ATG4C: variants seen among roughly 807,000 people sequenced by gnomAD.
The protein encoded by ATG4C is autophagy related 4C cysteine peptidase, also known as cysteine protease ATG4C.
A neutral mutation model predicts 57.6 loss-of-function variants in ATG4C; 56 were observed. That is an observed-to-expected ratio of 0.97 (90% CI 0.78 to 1.21). The LOEUF (loss-of-function observed/expected upper bound fraction) is 1.21. ATG4C is among the 50% of genes most tolerant of loss of function. The probability of loss-of-function intolerance (pLI) is 0.00; values close to 1 mark genes in which losing one functional copy is unlikely to be tolerated. For synonymous variants in ATG4C, 157 were observed against 174.1 expected, an observed-to-expected ratio of 0.90 and a Z score of 0.78; for missense variants, 595 against 529.8, an observed-to-expected ratio of 1.12 and a Z score of -1.21.
At chr1:62,863,305 A>G (rs1666909743) in intron 10 of ATG4C, among the ~76,000 whole-genome samples, 1 of 152,024 alleles carries the variant, frequency 6.6e-6, no homozygotes, top group Non-Finnish European at 1.5e-5. Flanking sequence ...TATTGTAGAA[A>G]TAGTTTATTT....
At chr1:62,824,589 T>C (rs1665585471) in intron 6 of ATG4C, among the ~76,000 whole-genome samples, 1 of 152,118 alleles carries the variant, frequency 6.6e-6, no homozygotes, top group Admixed American at 6.5e-5. Context: ...CAGATCCTCC[T>C]ATTTTCTCTT....
intron 6 of ATG4C, among the ~76,000 whole-genome samples, chr1:62,821,883 A>G (rs1665494283): frequency 2.0e-5 from 3 of 152,094 alleles, no homozygotes; most frequent in Admixed American, 2.0e-4. Context: ...ATTTTTAATA[A>G]TTTTATGCAT....
intron 1 of ATG4C, among the ~76,000 whole-genome samples, chr1:62,796,896 TC>T (rs1193708979): frequency 6.6e-6 from 1 of 152,112 alleles, no homozygotes; most frequent in East Asian, 1.9e-4. Context: ...TCACCTGAGG[TC>T]AGGAGTTTGA....
intron 10 of ATG4C, among the ~76,000 whole-genome samples, chr1:62,855,403 A>G (rs958163389): frequency 3.9e-5 from 6 of 152,088 alleles, no homozygotes; most frequent in Admixed American, 2.0e-4. Flanking sequence ...TTAAATAATC[A>G]TTTGGTAATT....
At chr1:62,791,486 T>G (rs551731513) in intron 1 of ATG4C, among the ~76,000 whole-genome samples, 4 of 152,178 alleles carry the variant, frequency 2.6e-5, no homozygotes, top group African/African-American at 7.2e-5. Flanking sequence ...TTATTCCTTA[T>G]AGTTAACAAA....
chr1:62,806,281 A>G (rs968526257), intron 3 of ATG4C, among the ~76,000 whole-genome samples: 1 of 152,124 alleles, frequency 6.6e-6, no homozygotes, highest in Non-Finnish European at 1.5e-5. Flanking sequence ...AGAGGTGTCC[A>G]GTTTAGCTAT....
intron 1 of ATG4C, among the ~76,000 whole-genome samples, chr1:62,793,860 T>C (rs977822638): frequency 2.6e-5 from 4 of 152,000 alleles, no homozygotes; most frequent in African/African-American, 9.7e-5. Context: ...TAACTTACGG[T>C]GTTACCTCTT....
At position 62,794,198 on chromosome 1, in the gene ATG4C, TTGCACAGTCTG is replaced by T. The variant is rs553498114; in HGVS notation, c.-68-9518_-68-9508del. 3.0e-3 allele frequency among the ~76,000 whole-genome samples: 456 copies of T among 152,300 alleles called. 1 individual carries two copies. Among genetic ancestry groups the T allele is most frequent in the Non-Finnish European group, 4.9e-3 (335 of 68,024 alleles). On this transcript the variant is annotated intron_variant, in intron 1 of 10. Transcript: ENST00000317868. ...ATTTAGGTTGGTTATGATGATTACTTTGCACAGTCTGTGAACATGTAATATGCAGTGCTGCA... is the reference window on the plus strand; with the variant it reads ...ATTTAGGTTGGTTATGATGATTACTTTGAACATGTAATATGCAGTGCTGCA...
intron 3 of ATG4C, among the ~76,000 whole-genome samples, chr1:62,812,373 C>G (rs1014307524): frequency 1.3e-5 from 2 of 152,200 alleles, no homozygotes. Flanking sequence ...ACAAAAACCA[C>G]ATGATTATCT....
At chr1:62,848,423 T>C (rs1666393632) in intron 10 of ATG4C, among the ~76,000 whole-genome samples, 1 of 152,174 alleles carries the variant, frequency 6.6e-6, no homozygotes, top group African/African-American at 2.4e-5. Flanking sequence ...CCTTTTGGGA[T>C]CATTTTGGTT....
At chr1:62,858,155 CATT>C (rs1337585375) in intron 10 of ATG4C, among the ~76,000 whole-genome samples, 4 of 152,204 alleles carry the variant, frequency 2.6e-5, no homozygotes, top group East Asian at 1.9e-4. Flanking sequence ...TATTATTTGA[CATT>C]GTTGTTATTG....
chr1:62,826,235 C>A (rs1572137757), intron 6 of ATG4C, among the ~76,000 whole-genome samples: 2 of 36,302 alleles, frequency 5.5e-5, no homozygotes, highest in African/African-American at 2.3e-4. Flanking sequence ...CGTGACCATT[C>A]CCTATTTTTT....
chr1:62,853,174 T>G (rs779479339), intron 10 of ATG4C, among the ~76,000 whole-genome samples: 6 of 152,174 alleles, frequency 3.9e-5, no homozygotes, highest in Non-Finnish European at 5.9e-5. Flanking sequence ...CCTTCTAGCA[T>G]TTAGTGTTGT....
At chr1:62,797,540 T>C (rs1462676289) in intron 1 of ATG4C, among the ~76,000 whole-genome samples, 1 of 152,188 alleles carries the variant, frequency 6.6e-6, no homozygotes, top group Non-Finnish European at 1.5e-5. Context: ...TTCTTAGGTC[T>C]AGTAAGGTTG....
intron 5 of ATG4C, among the ~76,000 whole-genome samples, chr1:62,820,520 C>T (rs1665447668): frequency 6.6e-6 from 1 of 152,062 alleles, no homozygotes; most frequent in South Asian, 2.1e-4. Flanking sequence ...AATTACATTT[C>T]CACAATTTGC....
Position 62,819,074 on chromosome 1 carries a change from A to G in ATG4C, c.464A>G (p.Lys155Arg), listed in dbSNP as rs764331544. 34 of 1,608,924 alleles carry G rather than the reference A, an allele frequency of 2.1e-5. No homozygotes were observed. The South Asian group carries it at 3.8e-4, about 18-fold the overall frequency. Residue 155 changes from lysine to arginine, a missense_variant, in exon 5 of 11, where the codon AAA becomes AGA. Transcript: ENST00000317868. Reference sequence around the variant, plus strand: ...GAATCATGGACTTCCCACACTGTCAAAAAATTTACTGCATCATTTGAAGCA... The same window carrying G: ...GAATCATGGACTTCCCACACTGTCAGAAAATTTACTGCATCATTTGAAGCA... ...DSESWTSHTV[K>R]KFTASFEASL... is the part of the protein sequence containing the mutation.
intron 1 of ATG4C, among the ~76,000 whole-genome samples, chr1:62,786,908 A>C (rs2100271314): frequency 6.6e-6 from 1 of 152,280 alleles, no homozygotes; most frequent in South Asian, 2.1e-4. Context: ...GGAGTGGCCC[A>C]ATTGAGAGAT....
rs1553225713 is a variant in ATG4C at position 62,819,044 on chromosome 1, A to G, written c.434A>G (p.Asp145Gly). 1 of 1,585,492 alleles carries G rather than the reference A, an allele frequency of 6.3e-7. No homozygotes were observed. The highest frequency in any genetic ancestry group is 8.6e-7 in the Non-Finnish European group (1 of 1,167,070). ...WPDALNIENSDSESWTSHTVK... is the reference protein window; with the variant it reads ...WPDALNIENSGSESWTSHTVK... ...GATGCTTTGAATATTGAAAATTCAGACTCTGAATCATGGACTTCCCACACT... is the reference window on the plus strand; with the variant it reads ...GATGCTTTGAATATTGAAAATTCAGGCTCTGAATCATGGACTTCCCACACT... Residue 145 changes from aspartate (D) to glycine (G), a missense_variant, in exon 5 of 11, where the codon GAC becomes GGC. By Grantham distance (94) the Asp-to-Gly change is moderately conservative (BLOSUM62 -1). Coordinates refer to ENST00000317868, the MANE Select transcript of ATG4C (RefSeq NM_032852.4).
chr1:62,846,680 T>A (rs1367197063), intron 10 of ATG4C, among the ~76,000 whole-genome samples: 1 of 152,114 alleles, frequency 6.6e-6, no homozygotes, highest in Non-Finnish European at 1.5e-5. Flanking sequence ...TTACCTCCCT[T>A]CTCTCTCTCA....
Sources: gnomAD v4.1 joint callset for allele counts (sites outside exome capture counted in the v4.1 genomes callset) on GRCh38, gnomAD v4.1.1 for gene constraint, MANE v1.5 for transcripts, NCBI Gene and HGNC (gene_info 2026-07-23, HGNC 2026-07-21) for gene names.